SENP7: variants seen among roughly 807,000 people sequenced by gnomAD.
SENP7 encodes the protein SUMO specific peptidase 7, also known as sentrin-specific protease 7.
SENP7 carries 64 observed loss-of-function variants against 141.2 expected under a neutral mutation model. That is an observed-to-expected ratio of 0.45 (90% CI 0.37 to 0.56). The LOEUF (loss-of-function observed/expected upper bound fraction) is 0.56, where lower values mean the gene tolerates loss of function less well. Among genes scored for constraint, SENP7 ranks in the 20% least tolerant of loss-of-function variants. The probability of loss-of-function intolerance (pLI) is 0.00; values close to 1 mark genes in which losing one functional copy is unlikely to be tolerated. For missense variants in SENP7, 1,025 were observed against 1,212.2 expected, an observed-to-expected ratio of 0.85 and a Z score of 2.29; for synonymous variants, 382 against 426.4, an observed-to-expected ratio of 0.90 and a Z score of 1.28.
rs755494060 is a variant in SENP7 at position 101,343,661 on chromosome 3, C to A, written c.2106+25G>T. 1.3e-5 allele frequency: 21 copies of A among 1,578,014 alleles called. 1 individual carries two copies. The South Asian group carries it at 1.9e-4, about 14-fold the overall frequency. On this transcript the variant is annotated intron_variant, in intron 14 of 23. Transcript: ENST00000394095. The stretch of plus-strand genomic sequence containing the variant: ...GTTTTCTGAACCTCCCCCTTCTCTG[C>A]CAATTATATTAATGATATGCTAACC...
intron 3 of SENP7, among the ~76,000 whole-genome samples, chr3:101,492,803 G>C: frequency 6.6e-6 from 1 of 152,114 alleles, no homozygotes; most frequent in East Asian, 1.9e-4. Flanking sequence ...TTCAAGACAA[G>C]CCTAGGCAAC....
intron 6 of SENP7, among the ~76,000 whole-genome samples, chr3:101,373,709 G>A (rs1006927719): frequency 2.0e-5 from 3 of 152,142 alleles, no homozygotes; most frequent in Non-Finnish European, 4.4e-5. Context: ...TTTTCAAAAG[G>A]TAATGTCATA....
intron 4 of SENP7, among the ~76,000 whole-genome samples, chr3:101,421,495 T>C (rs74707843): frequency 0.093 from 14,226 of 152,224 alleles, 779 homozygotes; most frequent in African/African-American, 0.15. Context: ...ATTATCTCAA[T>C]GGTAATTTTA....
At chr3:101,402,461 T>C (rs1201353498) in intron 5 of SENP7, among the ~76,000 whole-genome samples, 1 of 151,176 alleles carries the variant, frequency 6.6e-6, no homozygotes, top group Non-Finnish European at 1.5e-5. Context: ...CCACCTCTAC[T>C]AAAAAAAACA....
At chr3:101,501,966 T>C (rs546049177) in intron 1 of SENP7, among the ~76,000 whole-genome samples, 1 of 152,268 alleles carries the variant, frequency 6.6e-6, no homozygotes, top group South Asian at 2.1e-4. Flanking sequence ...CCTCACACCA[T>C]ACACAAAATT....
intron 16 of SENP7, among the ~76,000 whole-genome samples, chr3:101,338,008 C>T (rs2059232585): frequency 6.6e-6 from 1 of 151,958 alleles, no homozygotes; most frequent in Non-Finnish European, 1.5e-5. Context: ...CAAAAATTAG[C>T]TGGGTGTGGT....
chr3:101,411,249 T>C (rs1422694302), intron 5 of SENP7, among the ~76,000 whole-genome samples: 3 of 152,218 alleles, frequency 2.0e-5, no homozygotes, highest in Non-Finnish European at 2.9e-5. Flanking sequence ...CACTTAATTT[T>C]CATATTTCTG....
At chr3:101,494,054 A>T in intron 2 of SENP7, 86 bp from the exon 3 acceptor site, 1 of 629,880 alleles carries the variant, frequency 1.6e-6, no homozygotes, top group South Asian at 2.6e-5. Context: ...ACTACCCTGC[A>T]TCAATAATTT....
At chr3:101,426,737 C>G (rs1479119354) in intron 4 of SENP7, among the ~76,000 whole-genome samples, 1 of 152,136 alleles carries the variant, frequency 6.6e-6, no homozygotes, top group Non-Finnish European at 1.5e-5. Context: ...CCACCTCAGC[C>G]TCCCAAAGTG....
intron 5 of SENP7, among the ~76,000 whole-genome samples, chr3:101,401,296 A>G (rs1477569148): frequency 1.3e-5 from 2 of 152,134 alleles, no homozygotes; most frequent in Non-Finnish European, 2.9e-5. Context: ...AGGGAGGCTG[A>G]GGCAGGAGGA....
intron 4 of SENP7, among the ~76,000 whole-genome samples, chr3:101,449,419 A>G (rs1169373886): frequency 2.0e-5 from 3 of 152,198 alleles, no homozygotes; most frequent in Non-Finnish European, 4.4e-5. Flanking sequence ...CATAATTGTA[A>G]GATTCACCAA....
At chr3:101,404,376 T>C (rs1376290961) in intron 5 of SENP7, among the ~76,000 whole-genome samples, 1 of 152,040 alleles carries the variant, frequency 6.6e-6, no homozygotes, top group Non-Finnish European at 1.5e-5. Context: ...ATGCAAAAAA[T>C]TGAAATTGAA....
At chr3:101,481,306 T>G (rs1192738845) in intron 3 of SENP7, among the ~76,000 whole-genome samples, 3 of 152,066 alleles carry the variant, frequency 2.0e-5, no homozygotes, top group Non-Finnish European at 4.4e-5. Context: ...AATTTGGCCA[T>G]AAAAAAGAAT....
intron 2 of SENP7, among the ~76,000 whole-genome samples, chr3:101,497,777 G>T (rs1425142785): frequency 2.0e-5 from 3 of 152,154 alleles, no homozygotes; most frequent in Non-Finnish European, 4.4e-5. Context: ...AGTAAGTGGG[G>T]GAAGAGGATC....
chr3:101,472,765 T>A (rs950835821), intron 3 of SENP7, among the ~76,000 whole-genome samples: 22 of 152,162 alleles, frequency 1.4e-4, no homozygotes, highest in African/African-American at 2.9e-4. Flanking sequence ...GTCCTTTTTT[T>A]AAAACTTTTA....
intron 8 of SENP7, 67 bp downstream of exon 8, chr3:101,367,763 C>A (rs1161007623): frequency 1.2e-5 from 12 of 1,017,276 alleles, no homozygotes; most frequent in Non-Finnish European, 1.7e-5. Flanking sequence ...CATTATTTGG[C>A]CACAGTCAAC....
At chr3:101,408,375 A>G (rs898547214) in intron 5 of SENP7, among the ~76,000 whole-genome samples, 1 of 152,164 alleles carries the variant, frequency 6.6e-6, no homozygotes, top group Non-Finnish European at 1.5e-5. Flanking sequence ...ACTGGTACCA[A>G]TCCTATTGAC....
chr3:101,429,485 C>G (rs1206606186), intron 4 of SENP7, among the ~76,000 whole-genome samples: 3 of 152,078 alleles, frequency 2.0e-5, no homozygotes, highest in African/African-American at 7.2e-5. Context: ...CATGATTTGG[C>G]TGTTTATCAG....
intron 16 of SENP7, among the ~76,000 whole-genome samples, chr3:101,337,883 G>C (rs139632921): frequency 6.6e-6 from 1 of 152,008 alleles, no homozygotes; most frequent in Non-Finnish European, 1.5e-5. Flanking sequence ...GGCCAGGCAC[G>C]GTGGCTCACG....
Sources: allele counts gnomAD v4.1 joint callset (sites outside exome capture counted in the v4.1 genomes callset), GRCh38; gene constraint gnomAD v4.1.1; transcripts MANE v1.5; gene names NCBI Gene and HGNC (gene_info 2026-07-23, HGNC 2026-07-21).